Variants in CDK5RAP1 observed in about 807,000 individuals in gnomAD.
CDK5RAP1 encodes the protein mitochondrial tRNA methylthiotransferase CDK5RAP1.
In CDK5RAP1, 62 loss-of-function variants were observed where a neutral mutation model predicts 64.5. The ratio of observed to expected loss-of-function variants is 0.96; its 90% confidence interval spans 0.78 to 1.19. CDK5RAP1 has a LOEUF of 1.19. Among genes scored for constraint, CDK5RAP1 ranks in the 50% most tolerant of loss-of-function variants. CDK5RAP1 has a pLI of 0.00. For synonymous variants in CDK5RAP1, 250 were observed against 261.9 expected, an observed-to-expected ratio of 0.95 and a Z score of 0.44; for missense variants, 657 against 735.0, an observed-to-expected ratio of 0.89 and a Z score of 1.23.
intron 5 of CDK5RAP1, among the ~76,000 whole-genome samples, chr20:33,388,816 T>G (rs534273149): frequency 3.3e-4 from 50 of 152,114 alleles, no homozygotes; most frequent in African/African-American, 1.1e-3. Flanking sequence ...TGGTGGAGAC[T>G]GGGTTTCGCT....
intron 11 of CDK5RAP1, among the ~76,000 whole-genome samples, chr20:33,368,793 C>T (rs1984482001): frequency 6.6e-6 from 1 of 151,650 alleles, no homozygotes; most frequent in Admixed American, 6.6e-5. Flanking sequence ...AAAACTTGAA[C>T]CCGGAAGGTG....
chr20:33,375,575 G>A (rs889627837), intron 8 of CDK5RAP1, among the ~76,000 whole-genome samples: 1 of 151,918 alleles, frequency 6.6e-6, no homozygotes, highest in East Asian at 1.9e-4. Flanking sequence ...GATGAAAGTC[G>A]GGGCCAAAAG....
chr20:33,394,604 C>T (rs1448973974), intron 3 of CDK5RAP1, among the ~76,000 whole-genome samples: 1 of 152,016 alleles, frequency 6.6e-6, no homozygotes, highest in East Asian at 1.9e-4. Flanking sequence ...GCCTTGGCCT[C>T]CCAAAGTCCT....
chr20:33,365,047 CCTGA>C (rs1467806544), intron 12 of CDK5RAP1, among the ~76,000 whole-genome samples: 3 of 152,006 alleles, frequency 2.0e-5, no homozygotes, highest in Non-Finnish European at 2.9e-5. Flanking sequence ...CACCACCACA[CCTGA>C]CTAATTTTTA....
chr20:33,363,736 A>G (rs967115339), intron 12 of CDK5RAP1, among the ~76,000 whole-genome samples: 2 of 152,086 alleles, frequency 1.3e-5, no homozygotes, highest in African/African-American at 4.8e-5. Flanking sequence ...CATCTCTACA[A>G]AAAATTTGAA....
rs139157811 is a variant in CDK5RAP1, at chr20:33,392,943, G to A, written c.444-701C>T. Among the ~76,000 whole-genome samples, 133 of 151,288 alleles carry A rather than the reference G, an allele frequency of 8.8e-4. 1 individual carries two copies. The highest frequency in any genetic ancestry group is 2.8e-3 in the African/African-American group (115 of 41,212). ...TCACCAGGCTGGAGTGCAACAGCGC[G>A]ATCTCGGCTCACTGCAACCTCCAAC... On this transcript the variant is annotated intron_variant, in intron 4 of 13. Transcript: ENST00000346416.
intron 1 of CDK5RAP1, among the ~76,000 whole-genome samples, chr20:33,401,220 A>G (rs1302996573): frequency 6.6e-6 from 1 of 152,230 alleles, no homozygotes; most frequent in African/African-American, 2.4e-5. Flanking sequence ...CCTTGAAAGA[A>G]GTGGAGGTGA....
chr20:33,366,800 C>G, intron 12 of CDK5RAP1, 59 bp downstream of exon 12: 1 of 1,504,820 alleles, frequency 6.6e-7, no homozygotes, highest in East Asian at 2.4e-5. Flanking sequence ...GGAAAAAAAT[C>G]AAAGATCTAA....
chr20:33,398,235 G>A (rs577647132), intron 1 of CDK5RAP1, among the ~76,000 whole-genome samples: 7 of 151,880 alleles, frequency 4.6e-5, no homozygotes, highest in South Asian at 2.1e-4. Context: ...GCTCATGCCT[G>A]TAATCCCAGC....
At chr20:33,393,393 T>A (rs979357600) in intron 4 of CDK5RAP1, among the ~76,000 whole-genome samples, 4 of 152,018 alleles carry the variant, frequency 2.6e-5, no homozygotes, top group Non-Finnish European at 5.9e-5. Flanking sequence ...TTGGAGCTAT[T>A]TGTTCATCTA....
chr20:33,387,407 G>A lies in CDK5RAP1; in HGVS notation c.671C>T (p.Ala224Val), dbSNP rs1987580629. ...GTCCAGAGAGAGCAGCACGTTGGCAGCTTGCTGGCCCGACTCAGCAACAGC... is the reference window on the plus strand; with the variant it reads ...GTCCAGAGAGAGCAGCACGTTGGCAACTTGCTGGCCCGACTCAGCAACAGC... ...LLAVAESGQQ[A>V]ANVLLSLDET... The change falls in exon 6 of 14, where the codon GCT (alanine) becomes GTT (valine). Residue 224 changes from alanine to valine, a missense_variant. By Grantham distance (64) the Ala-to-Val change is moderately conservative. Transcript: ENST00000346416. 2 of 1,614,086 alleles carry A rather than the reference G, an allele frequency of 1.2e-6. No homozygotes were observed. The highest frequency in any genetic ancestry group is 2.2e-5 in the South Asian group (2 of 91,078).
At chr20:33,394,340 T>C (rs1000635433) in intron 3 of CDK5RAP1, among the ~76,000 whole-genome samples, 3 of 151,862 alleles carry the variant, frequency 2.0e-5, no homozygotes, top group African/African-American at 7.3e-5. Flanking sequence ...TTAGTAGAGA[T>C]GGGGTTTTAC....
At chr20:33,399,474 T>A (rs1457634155) in intron 1 of CDK5RAP1, among the ~76,000 whole-genome samples, 2 of 152,234 alleles carry the variant, frequency 1.3e-5, no homozygotes, top group Non-Finnish European at 2.9e-5. Flanking sequence ...CATCACACTT[T>A]GCTGTTAATT....
chr20:33,392,871 A>C, intron 4 of CDK5RAP1, among the ~76,000 whole-genome samples: 1 of 148,152 alleles, frequency 6.7e-6, no homozygotes, highest in Non-Finnish European at 1.5e-5. Context: ...TTTTCCCTAT[A>C]CTTAGCAATT....
At chr20:33,398,670 T>C (rs902855889) in intron 1 of CDK5RAP1, among the ~76,000 whole-genome samples, 7 of 151,974 alleles carry the variant, frequency 4.6e-5, no homozygotes, top group Admixed American at 2.6e-4. Context: ...CTCATGCCTA[T>C]AATCCCAGCA....
intron 5 of CDK5RAP1, among the ~76,000 whole-genome samples, chr20:33,390,426 T>C (rs1337032578): frequency 1.3e-5 from 2 of 152,032 alleles, no homozygotes; most frequent in African/African-American, 2.4e-5. Context: ...GTCAGATTCA[T>C]AAACAGAAAG....
At position 33,358,883 on chromosome 20, in the gene CDK5RAP1, C is replaced by G. The variant is rs1047703042; in HGVS notation, c.*160G>C. On this transcript the variant is annotated 3_prime_UTR_variant, in exon 14 of 14. Transcript: ENST00000346416. ...ATTTAATGACTGTAAAAGCTGTTCACATAGCAGCTTTAAAGAGACACGTTT... is the reference window on the plus strand; with the variant it reads ...ATTTAATGACTGTAAAAGCTGTTCAGATAGCAGCTTTAAAGAGACACGTTT... 10 of 605,660 alleles carry G rather than the reference C, an allele frequency of 1.7e-5. No individual in the cohort carries two copies. The African/African-American group carries it at 1.8e-4, about 11-fold the overall frequency. 37.5% of individuals were successfully genotyped at this position (605,660 alleles called of 1,614,324 possible). A position where few individuals can be genotyped will look rare whatever the true frequency, so the allele number is the denominator to read the frequency against.
At position 33,385,643 on chromosome 20, in the gene CDK5RAP1, T is replaced by C. The variant is rs371891679; in HGVS notation, c.876+7A>G. 197 of 1,613,882 alleles carry C rather than the reference T, an allele frequency of 1.2e-4. No individual in the cohort carries two copies. Among genetic ancestry groups the C allele is most frequent in the Non-Finnish European group, 1.5e-4 (175 of 1,179,928 alleles). On this transcript the variant is annotated splice_region_variant and intron_variant, in intron 7 of 13. Transcript: ENST00000346416. Reference sequence around the variant, plus strand: ...TTCACAGCAAGAAAGCCTGGAGAACTCTTCACCTGCTCAGAAAGCTTCTTC... The same window carrying C: ...TTCACAGCAAGAAAGCCTGGAGAACCCTTCACCTGCTCAGAAAGCTTCTTC...
chr20:33,388,612 C>CGTCTCCCTCTCTTTCCACT (rs1421771793), intron 5 of CDK5RAP1, among the ~76,000 whole-genome samples: 1 of 143,864 alleles, frequency 7.0e-6, no homozygotes, highest in East Asian at 2.1e-4. Flanking sequence ...CCACAGTCTC[C>CGTCTCCCTCTCTTTCCACT]GTCTCCCTCT....
Sources: gnomAD v4.1 joint callset for allele counts (sites outside exome capture counted in the v4.1 genomes callset) on GRCh38, gnomAD v4.1.1 for gene constraint, MANE v1.5 for transcripts, NCBI Gene and HGNC (gene_info 2026-07-23, HGNC 2026-07-21) for gene names.